PAX5: variants seen among roughly 807,000 people sequenced by gnomAD.
PAX5 encodes the protein paired box 5, also known as paired box protein Pax-5.
PAX5 carries 9 observed loss-of-function variants against 43.7 expected under a neutral mutation model. The ratio of observed to expected loss-of-function variants is 0.21; its 90% CI spans 0.12 to 0.36. The LOEUF is 0.36. Among genes scored for constraint, PAX5 ranks in the 10% least tolerant of loss-of-function variants. The pLI is 1.00. For synonymous variants in PAX5, 228 were observed against 214.3 expected (o/e 1.06, Z -0.56); for missense variants, 383 against 532.7 (o/e 0.72, Z 2.77).
chr9:36,926,073 A>T (rs1830617609), intron 6 of PAX5, among the ~76,000 whole-genome samples: 1 of 152,190 alleles, frequency 6.6e-6, no homozygotes, highest in African/African-American at 2.4e-5. Flanking sequence ...AGGCTCTATG[A>T]CATCCCCATT....
At position 36,837,177 on chromosome 9, in the gene PAX5, G is replaced by A. The variant is rs933944423; in HGVS notation, c.*3383C>T. On this transcript the variant is annotated 3_prime_UTR_variant, in exon 10 of 10. Transcript: ENST00000358127. ...GAGAGAGAATGGGGCCTGGAGATCTGAGAATTCACTTCGCCTCTATGTTGC... is the reference window on the plus strand; with the variant it reads ...GAGAGAGAATGGGGCCTGGAGATCTAAGAATTCACTTCGCCTCTATGTTGC... The A allele has an allele frequency of 2.6e-5, 6 of 233,138 alleles. No individual in the cohort carries two copies. The highest frequency in any genetic ancestry group is 5.1e-5 in the Non-Finnish European group (6 of 117,970). The allele number at this position is 233,138 out of a possible 1,614,324, so 14.4% of individuals were successfully genotyped here. A position where few individuals can be genotyped will look rare whatever the true frequency, so the allele number is the denominator to read the frequency against.
At chr9:36,983,586 G>A (rs1225121515) in intron 5 of PAX5, among the ~76,000 whole-genome samples, 1 of 152,062 alleles carries the variant, frequency 6.6e-6, no homozygotes, top group African/African-American at 2.4e-5. Context: ...CAAAATACTT[G>A]TTTTAAAGAG....
intron 8 of PAX5, among the ~76,000 whole-genome samples, chr9:36,847,352 C>T (rs1285452362): frequency 6.6e-6 from 1 of 152,162 alleles, no homozygotes; most frequent in African/African-American, 2.4e-5. Context: ...CAATCCAGGA[C>T]CCCAGAATGG....
intron 7 of PAX5, among the ~76,000 whole-genome samples, chr9:36,886,652 A>G (rs1180894888): frequency 6.6e-6 from 1 of 152,198 alleles, no homozygotes; most frequent in Non-Finnish European, 1.5e-5. Context: ...TAAACATGCT[A>G]TGACCTCAAA....
Position 37,034,088 on chromosome 9 carries a change from CTTTTTTTTTCTTTTTT to C in PAX5, c.-73_-58del. 4 of 447,902 alleles carry C rather than the reference CTTTTTTTTTCTTTTTT, an allele frequency of 8.9e-6. No individual in the cohort carries two copies. The highest frequency in any genetic ancestry group is 3.4e-5 in the South Asian group (1 of 29,082). 27.7% of individuals were successfully genotyped at this position (447,902 alleles called of 1,614,324 possible). Reference sequence around the variant, plus strand: ...GGGAAAAGTTTCCACTTTTTTGTGCCTTTTTTTTTCTTTTTTTTTTTTTTTTTTTTTTTTTTTTGGT... The same window carrying C: ...GGGAAAAGTTTCCACTTTTTTGTGCCTTTTTTTTTTTTTTTTTTTTTTGGT... On this transcript the variant is annotated 5_prime_UTR_variant, in exon 1 of 10. Transcript: ENST00000358127.
chr9:36,909,709 A>T (rs986334481), intron 7 of PAX5, among the ~76,000 whole-genome samples: 2 of 151,706 alleles, frequency 1.3e-5, no homozygotes, highest in African/African-American at 4.8e-5. Flanking sequence ...TGCTTTAGCT[A>T]CAGGGGGCAA....
intron 7 of PAX5, among the ~76,000 whole-genome samples, chr9:36,902,171 G>A (rs771108963): frequency 3.9e-5 from 6 of 152,292 alleles, no homozygotes; most frequent in Non-Finnish European, 5.9e-5. Flanking sequence ...TCGGCAAAGC[G>A]GTGGCGGTGG....
Position 37,006,482 on chromosome 9 carries a change from GACTGGA to G in PAX5, c.460_465del (p.Ser154_Ser155del), listed in dbSNP as rs765165086. The G allele has an allele frequency of 6.2e-7, 1 of 1,613,664 alleles. No homozygotes were observed. ...TAAAAGTTCCTCTTACCTATGCTGTGACTGGAAGCTGGGACTGGTTGGTTGGGTGGC... is the reference window on the plus strand; with the variant it reads ...TAAAAGTTCCTCTTACCTATGCTGTGAGCTGGGACTGGTTGGTTGGGTGGC... On this transcript the variant is annotated inframe_deletion, in exon 4 of 10. Transcript: ENST00000358127.
At chr9:36,880,479 G>A (rs1371942287) in intron 8 of PAX5, among the ~76,000 whole-genome samples, 2 of 152,292 alleles carry the variant, frequency 1.3e-5, no homozygotes, top group African/African-American at 4.8e-5. Flanking sequence ...CCCAGTGCAT[G>A]GGAGAGTGGG....
intron 8 of PAX5, among the ~76,000 whole-genome samples, chr9:36,858,110 A>T (rs1467359219): frequency 6.6e-6 from 1 of 152,224 alleles, no homozygotes; most frequent in Non-Finnish European, 1.5e-5. Flanking sequence ...GCAGTATGGT[A>T]ATTACAACAC....
chr9:36,912,357 T>C (rs992144962), intron 7 of PAX5, among the ~76,000 whole-genome samples: 13 of 152,154 alleles, frequency 8.5e-5, no homozygotes, highest in Non-Finnish European at 1.0e-4. Flanking sequence ...GCTGGCCCAT[T>C]TTACAGATGG....
chr9:36,859,739 T>G (rs1824015767), intron 8 of PAX5, among the ~76,000 whole-genome samples: 1 of 152,106 alleles, frequency 6.6e-6, no homozygotes, highest in Non-Finnish European at 1.5e-5. Context: ...TGCTGCACAT[T>G]AAGAATCATC....
rs533236461 is a variant in PAX5, at chr9:36,951,450, T to C, written c.780+15099A>G. Among the ~76,000 whole-genome samples the C allele has an allele frequency of 3.2e-4, 48 of 152,348 alleles. 1 individual carries two copies. In the South Asian group the frequency reaches 9.9e-3, roughly 32 times the overall value. ...GTTATATTTTCCTACAAATTGTTCT[T>C]GTTATCATTAAGCAATAATCCTCTT... On this transcript the variant is annotated intron_variant, in intron 6 of 9. Coordinates refer to ENST00000358127, the MANE Select transcript of PAX5 (RefSeq NM_016734.3).
chr9:36,964,292 A>G (rs1834226689), intron 6 of PAX5, among the ~76,000 whole-genome samples: 7 of 140,966 alleles, frequency 5.0e-5, no homozygotes, highest in Admixed American at 4.2e-4. Context: ...AAAAAAGAAA[A>G]AAGATAAACC....
chr9:37,002,494 G>A (rs1412501925), intron 5 of PAX5, among the ~76,000 whole-genome samples, 154 bp downstream of exon 5: 1 of 152,232 alleles, frequency 6.6e-6, no homozygotes, highest in African/African-American at 2.4e-5. Context: ...GCCCTTTCCC[G>A]TGTTCACGAA....
intron 3 of PAX5, among the ~76,000 whole-genome samples, chr9:37,011,590 G>T (rs184480676): frequency 6.6e-6 from 1 of 152,318 alleles, no homozygotes; most frequent in East Asian, 1.9e-4. Context: ...AGGTTGTGCA[G>T]CCTCCCAGCA....
At position 36,838,518 on chromosome 9, in the gene PAX5, G is replaced by A. The variant is rs1821802210; in HGVS notation, c.*2042C>T. On this transcript the variant is annotated 3_prime_UTR_variant, in exon 10 of 10. Transcript: ENST00000358127. The stretch of plus-strand genomic sequence containing the variant: ...CTTAGGGAACAAAATACTTAGCGGT[G>A]GCCAGAGGAAGTCTGCTTTTTCTCC... 4.3e-6 allele frequency: 1 copy of A among 232,906 alleles called. No homozygotes were observed. Among genetic ancestry groups the A allele is most frequent in the South Asian group, 1.8e-4 (1 of 5,518 alleles). The allele number at this position is 232,906 out of a possible 1,614,324, so 14.4% of individuals were successfully genotyped here.
At chr9:36,977,032 C>T (rs966097672) in intron 5 of PAX5, among the ~76,000 whole-genome samples, 1 of 152,136 alleles carries the variant, frequency 6.6e-6, no homozygotes, top group African/African-American at 2.4e-5. Context: ...GTCTTAGCCC[C>T]GTCCCCTACT....
chr9:36,941,393 C>A (rs1020418779), intron 6 of PAX5, among the ~76,000 whole-genome samples: 1 of 152,228 alleles, frequency 6.6e-6, no homozygotes, highest in Admixed American at 6.5e-5. Flanking sequence ...AGTCCAAATA[C>A]AAGCTCTGCC....
Sources: allele counts gnomAD v4.1 joint callset (sites outside exome capture counted in the v4.1 genomes callset), GRCh38; gene constraint gnomAD v4.1.1; transcripts MANE v1.5; gene names NCBI Gene and HGNC (gene_info 2026-07-23, HGNC 2026-07-21).